Variants in SIL1 observed in about 807,000 individuals in gnomAD.
SIL1 encodes the protein nucleotide exchange factor SIL1.
In SIL1, 40 loss-of-function variants were observed where a neutral mutation model predicts 49.1. The observed-to-expected ratio is 0.81, with a 90% CI of 0.63 to 1.06. The LOEUF is 1.06. Among genes scored for constraint, SIL1 ranks in the 50% least tolerant of loss-of-function variants. The pLI, the probability that SIL1 is intolerant of heterozygous loss-of-function variation, is 0.00. For synonymous variants in SIL1, 253 were observed against 250.8 expected, an observed-to-expected ratio of 1.01 and a Z score of -0.08; for missense variants, 500 against 572.6, an observed-to-expected ratio of 0.87 and a Z score of 1.29.
chr5:139,084,031 T>C (rs1770153151), intron 3 of SIL1, among the ~76,000 whole-genome samples: 1 of 137,170 alleles, frequency 7.3e-6, no homozygotes, highest in Admixed American at 7.5e-5. Context: ...TTCTGTTCCA[T>C]TGATCTATAT....
intron 2 of SIL1, among the ~76,000 whole-genome samples, chr5:139,123,416 T>C (rs1750688183): frequency 6.6e-6 from 1 of 152,132 alleles, no homozygotes; most frequent in South Asian, 2.1e-4. Flanking sequence ...TTGAAGCTGC[T>C]GAAAAAACAG....
chr5:139,028,274 C>T (rs1044990805), intron 5 of SIL1, among the ~76,000 whole-genome samples: 7 of 150,714 alleles, frequency 4.6e-5, no homozygotes, highest in Admixed American at 3.3e-4. Context: ...CCGAGGCAGG[C>T]AGATCACGAG....
chr5:139,083,026 A>AG (rs1394634030), intron 3 of SIL1, among the ~76,000 whole-genome samples: 1 of 152,230 alleles, frequency 6.6e-6, no homozygotes. Context: ...CAGGCCCTGC[A>AG]GGGGCTCAAG....
intron 3 of SIL1, among the ~76,000 whole-genome samples, chr5:139,069,873 C>T (rs1437959093): frequency 6.6e-6 from 1 of 152,084 alleles, no homozygotes; most frequent in East Asian, 1.9e-4. Context: ...AAAATGTGAG[C>T]CAAGGATTTT....
At chr5:139,196,886 C>A (rs572909320) in intron 1 of SIL1, among the ~76,000 whole-genome samples, 1 of 152,194 alleles carries the variant, frequency 6.6e-6, no homozygotes, top group South Asian at 2.1e-4. Flanking sequence ...TCTGGCTATA[C>A]TTTTATCAGA....
chr5:139,086,523 AT>A (rs1390080346), intron 3 of SIL1, among the ~76,000 whole-genome samples: 2 of 151,062 alleles, frequency 1.3e-5, no homozygotes, highest in Non-Finnish European at 3.0e-5. Flanking sequence ...CACCCAGCTA[AT>A]TTTTTTTGTT....
chr5:139,082,311 T>C (rs1171615723), intron 3 of SIL1, among the ~76,000 whole-genome samples: 1 of 152,184 alleles, frequency 6.6e-6, no homozygotes, highest in Admixed American at 6.5e-5. Context: ...AGCTCTTCCA[T>C]TGCCCAACAC....
chr5:139,055,126 C>T (rs1384871191), intron 3 of SIL1, among the ~76,000 whole-genome samples: 1 of 152,146 alleles, frequency 6.6e-6, no homozygotes, highest in Non-Finnish European at 1.5e-5. Context: ...GCAAACAGGC[C>T]TGCAAAGCCT....
chr5:139,160,946 A>T (rs1042861869), intron 1 of SIL1, among the ~76,000 whole-genome samples: 1 of 152,210 alleles, frequency 6.6e-6, no homozygotes, highest in African/African-American at 2.4e-5. Flanking sequence ...GCAAGTTAAT[A>T]GTAACAAGAA....
At chr5:138,967,351 G>A (rs1211433121) in intron 7 of SIL1, among the ~76,000 whole-genome samples, 1 of 152,216 alleles carries the variant, frequency 6.6e-6, no homozygotes, top group African/African-American at 2.4e-5. Flanking sequence ...GCTTCCAGGT[G>A]CTTCTGAGGC....
At chr5:139,049,160 C>T (rs1769233884) in intron 4 of SIL1, among the ~76,000 whole-genome samples, 3 of 152,228 alleles carry the variant, frequency 2.0e-5, no homozygotes, top group Middle Eastern at 6.8e-3. Context: ...CATCTAACTG[C>T]AAAATACTGG....
chr5:139,044,680 G>A (rs1309959051), intron 4 of SIL1, among the ~76,000 whole-genome samples: 1 of 151,984 alleles, frequency 6.6e-6, no homozygotes, highest in Admixed American at 6.5e-5. Context: ...GTTCCAGATC[G>A]CAGTTGCCTT....
chr5:139,018,775 C>T (rs1024858206), intron 7 of SIL1, among the ~76,000 whole-genome samples: 1 of 152,168 alleles, frequency 6.6e-6, no homozygotes, highest in African/African-American at 2.4e-5. Flanking sequence ...TTGATACCAT[C>T]TTGTCACTGA....
chr5:139,108,022 C>A (rs1406606242), intron 3 of SIL1: 3 of 152,180 alleles, frequency 2.0e-5, no homozygotes, highest in African/African-American at 7.2e-5. Flanking sequence ...ATTCAAGGCA[C>A]GGCAGCAACA....
intron 2 of SIL1, among the ~76,000 whole-genome samples, 198 bp downstream of exon 2, chr5:139,127,541 C>A (rs1262325455): frequency 6.6e-6 from 1 of 151,990 alleles, no homozygotes; most frequent in Non-Finnish European, 1.5e-5. Context: ...GAAACTGTGT[C>A]ATAAGCTTTA....
At chr5:139,137,520 A>T (rs188470505) in intron 1 of SIL1, 399 of 506,310 alleles carry the variant, frequency 7.9e-4, no homozygotes, top group African/African-American at 7.1e-3. Context: ...CAGGACAGAA[A>T]TTTTTTTTTT....
chr5:139,084,182 G>A (rs1287441705), intron 3 of SIL1, among the ~76,000 whole-genome samples: 1 of 151,570 alleles, frequency 6.6e-6, no homozygotes, highest in Non-Finnish European at 1.5e-5. Flanking sequence ...TTACACTGTT[G>A]GTGGGACTGT....
At chr5:138,984,886 G>C (rs1162733509) in intron 7 of SIL1, among the ~76,000 whole-genome samples, 2 of 152,226 alleles carry the variant, frequency 1.3e-5, no homozygotes, top group Non-Finnish European at 2.9e-5. Context: ...ATCAGACACA[G>C]GGGATGAGAT....
At chr5:139,023,703 C>A (rs1007470473) in intron 6 of SIL1, among the ~76,000 whole-genome samples, 7 of 152,194 alleles carry the variant, frequency 4.6e-5, no homozygotes, top group African/African-American at 1.7e-4. Context: ...TGAGAAAGGA[C>A]TGGGGAAGTT....
Sources: gnomAD v4.1 joint callset for allele counts (sites outside exome capture counted in the v4.1 genomes callset) on GRCh38, gnomAD v4.1.1 for gene constraint, MANE v1.5 for transcripts, NCBI Gene and HGNC (gene_info 2026-07-23, HGNC 2026-07-21) for gene names.